The following CALCR variants were observed in gnomAD, a reference collection of about 807,000 sequenced individuals.
CALCR encodes calcitonin receptor.
CALCR carries 47 observed loss-of-function variants against 59.5 expected under a neutral mutation model. That is an observed-to-expected ratio of 0.79 (90% CI 0.63 to 1.01). The LOEUF (loss-of-function observed/expected upper bound fraction) is 1.01, where lower values mean the gene tolerates loss of function less well. CALCR is among the 50% of genes least tolerant of loss of function. The probability of loss-of-function intolerance (pLI) is 0.00; values close to 1 mark genes in which losing one functional copy is unlikely to be tolerated. For missense variants in CALCR, 566 were observed against 597.1 expected, an observed-to-expected ratio of 0.95 and a Z score of 0.54; for synonymous variants, 213 against 211.3, an observed-to-expected ratio of 1.01 and a Z score of -0.07.
At chr7:93,540,788 T>A (rs1279863558) in intron 2 of CALCR, among the ~76,000 whole-genome samples, 1 of 71,134 alleles carries the variant, frequency 1.4e-5, no homozygotes, top group African/African-American at 3.6e-5. Flanking sequence ...ATATTTTATA[T>A]GTATAAAAAG....
chr7:93,496,854 A>T (rs1801215018), intron 2 of CALCR, among the ~76,000 whole-genome samples: 1 of 151,654 alleles, frequency 6.6e-6, no homozygotes, highest in African/African-American at 2.4e-5. Flanking sequence ...TAAGCAAATG[A>T]ATTTTGTGAA....
At chr7:93,511,087 C>T (rs1801537034) in intron 2 of CALCR, among the ~76,000 whole-genome samples, 1 of 140,588 alleles carries the variant, frequency 7.1e-6, no homozygotes, top group African/African-American at 2.6e-5. Flanking sequence ...CTCTTTCTCT[C>T]TCTCTCTCTA....
intron 2 of CALCR, among the ~76,000 whole-genome samples, chr7:93,502,916 T>C (rs1801349558): frequency 6.6e-6 from 1 of 152,112 alleles, no homozygotes; most frequent in Non-Finnish European, 1.5e-5. Context: ...GCTTGAAGAA[T>C]ATAATATTAT....
chr7:93,476,596 AT>A (rs375307015), intron 5 of CALCR, among the ~76,000 whole-genome samples: 4 of 151,800 alleles, frequency 2.6e-5, no homozygotes, highest in Non-Finnish European at 5.9e-5. Flanking sequence ...TAAATCTCTG[AT>A]TTTTTTATCA....
intron 8 of CALCR, among the ~76,000 whole-genome samples, chr7:93,460,564 A>ATATATATATATAT (rs1562982351): frequency 4.7e-5 from 4 of 85,362 alleles, no homozygotes; most frequent in African/African-American, 3.8e-4. Context: ...TAAAAAAAAA[A>ATATATATATATAT]AAAAAAAAAT....
chr7:93,429,930 G>GTTTTTTTTTTTTTTTT (rs1491050136), intron 13 of CALCR, among the ~76,000 whole-genome samples: 1 of 105,358 alleles, frequency 9.5e-6, no homozygotes, highest in African/African-American at 3.5e-5. Flanking sequence ...TTTTTTGTTT[G>GTTTTTTTTTTTTTTTT]TTTGTTTTTT....
At chr7:93,454,797 C>T (rs1800176421) in intron 8 of CALCR, among the ~76,000 whole-genome samples, 1 of 151,566 alleles carries the variant, frequency 6.6e-6, no homozygotes, top group Non-Finnish European at 1.5e-5. Flanking sequence ...AGATTCTCAC[C>T]CTTGGCCATT....
intron 2 of CALCR, among the ~76,000 whole-genome samples, chr7:93,568,545 CTCTCTCTCTCTG>C (rs1296141397): frequency 7.2e-6 from 1 of 138,968 alleles, no homozygotes; most frequent in African/African-American, 2.7e-5. Context: ...CTCTCTCTCT[CTCTCTCTCTCTG>C]TCTCTCTCCT....
chr7:93,426,512 G>A lies in CALCR; in HGVS notation c.1269C>T (p.Asn423=), dbSNP rs1562922501. Residue 423 remains asparagine, a synonymous_variant, in exon 14 of 14, where the codon AAC becomes AAT. Transcript: ENST00000426151. ...CAGCGGCTGCAGCGCGAGCAGAGCG[G>A]TTGGAGGGGCGCCTCCCCCAACGCT... The part of the protein sequence containing the change: ...WNQRWGRRPS[N]RSARAAAAAA... 6.2e-7 allele frequency: 1 copy of A among 1,613,916 alleles called. No individual in the cohort carries two copies. The highest frequency in any genetic ancestry group is 1.1e-5 in the South Asian group (1 of 91,060).
At chr7:93,531,603 A>T (rs1389770044) in intron 2 of CALCR, among the ~76,000 whole-genome samples, 1 of 152,132 alleles carries the variant, frequency 6.6e-6, no homozygotes, top group Non-Finnish European at 1.5e-5. Context: ...CAATTTCACA[A>T]TTCCATGGGA....
intron 8 of CALCR, among the ~76,000 whole-genome samples, chr7:93,446,642 T>C (rs1185211705): frequency 6.6e-6 from 1 of 151,854 alleles, no homozygotes; most frequent in African/African-American, 2.4e-5. Flanking sequence ...AAGGGTGGAG[T>C]AAACCAGGCA....
intron 2 of CALCR, among the ~76,000 whole-genome samples, chr7:93,515,343 G>T (rs924247317): frequency 1.3e-5 from 2 of 151,950 alleles, no homozygotes; most frequent in Non-Finnish European, 2.9e-5. Flanking sequence ...ATCATCAGTT[G>T]CTATCTCCCT....
intron 2 of CALCR, among the ~76,000 whole-genome samples, chr7:93,566,350 C>T (rs1028604772): frequency 3.9e-5 from 6 of 151,928 alleles, no homozygotes; most frequent in African/African-American, 1.5e-4. Context: ...TACCAAAAGG[C>T]TGGAATTTGG....
chr7:93,443,083 C>T (rs1339513592), intron 9 of CALCR, among the ~76,000 whole-genome samples: 1 of 152,084 alleles, frequency 6.6e-6, no homozygotes, highest in Non-Finnish European at 1.5e-5. Flanking sequence ...TGATGTCACA[C>T]AGGCTCTACT....
chr7:93,542,899 A>G (rs547947918), intron 2 of CALCR, among the ~76,000 whole-genome samples: 1 of 152,186 alleles, frequency 6.6e-6, no homozygotes. Context: ...CTCCAATGAT[A>G]ACAATGTTGT....
At chr7:93,559,238 A>C (rs950523994) in intron 2 of CALCR, among the ~76,000 whole-genome samples, 5 of 152,082 alleles carry the variant, frequency 3.3e-5, no homozygotes, top group Admixed American at 3.3e-4. Context: ...AGATTCACAC[A>C]CACAAACCAG....
At position 93,525,661 on chromosome 7, in the gene CALCR, A is replaced by G. The variant is rs150239484; in HGVS notation, c.-26-38654T>C. 6.2e-4 allele frequency among the ~76,000 whole-genome samples: 95 copies of G among 152,306 alleles called. 1 individual carries two copies. Among genetic ancestry groups the G allele is most frequent in the Middle Eastern group, 6.8e-3 (2 of 294 alleles). On this transcript the variant is annotated intron_variant, in intron 2 of 13. Transcript: ENST00000426151. ...TTAGTCTAGAGATTTAAGTCAGTCAATTTGTCAATTTAAAAGTTTAACAGT... is the reference window on the plus strand; with the variant it reads ...TTAGTCTAGAGATTTAAGTCAGTCAGTTTGTCAATTTAAAAGTTTAACAGT...
Position 93,479,764 on chromosome 7 carries a change from A to T in CALCR, c.52-257T>A, listed in dbSNP as rs148762371. ...ATGGATAACACCTACACACTCATAT[A>T]CCTCTTTATCAGCTAGGATTGTTTT... On this transcript the variant is annotated intron_variant, in intron 3 of 13. Coordinates refer to ENST00000426151, the MANE Select transcript of CALCR (RefSeq NM_001742.4). Among the ~76,000 whole-genome samples, 1,079 of 151,886 alleles carry T rather than the reference A, an allele frequency of 7.1e-3. 18 individuals are homozygous for T. Among genetic ancestry groups the T allele is most frequent in the African/African-American group, 0.025 (1,035 of 41,490 alleles).
chr7:93,508,474 G>A (rs1450962786), intron 2 of CALCR, among the ~76,000 whole-genome samples: 1 of 152,100 alleles, frequency 6.6e-6, no homozygotes, highest in Non-Finnish European at 1.5e-5. Context: ...TTTATATGCA[G>A]TTTTATTGAA....
Sources: allele counts gnomAD v4.1 joint callset (sites outside exome capture counted in the v4.1 genomes callset), GRCh38; gene constraint gnomAD v4.1.1; transcripts MANE v1.5; gene names NCBI Gene and HGNC (gene_info 2026-07-23, HGNC 2026-07-21).